Variants in NRG3 observed in about 807,000 individuals in gnomAD.
The protein encoded by NRG3 is neuregulin 3, also known as pro-neuregulin-3, membrane-bound isoform.
A neutral mutation model predicts 66.9 loss-of-function variants in NRG3; 31 were observed. The ratio of observed to expected loss-of-function variants is 0.46; its 90% CI spans 0.35 to 0.63. The LOEUF is 0.63. Ranked by LOEUF, NRG3 falls within the 20% of genes least tolerant of loss-of-function variation. The pLI, the probability that NRG3 is intolerant of heterozygous loss-of-function variation, is 0.00. For synonymous variants in NRG3, 393 were observed against 359.4 expected, an observed-to-expected ratio of 1.09 and a Z score of -1.06; for missense variants, 910 against 878.9, an observed-to-expected ratio of 1.04 and a Z score of -0.45.
chr10:82,181,148 CTT>C (rs1051462429), intron 1 of NRG3, among the ~76,000 whole-genome samples: 9 of 151,636 alleles, frequency 5.9e-5, no homozygotes, highest in Non-Finnish European at 1.2e-4. Context: ...TATTTTCTCT[CTT>C]TTCTTAGTTT....
At chr10:81,962,327 TG>T (rs1318764788) in intron 1 of NRG3, among the ~76,000 whole-genome samples, 1 of 152,180 alleles carries the variant, frequency 6.6e-6, no homozygotes, top group African/African-American at 2.4e-5. Flanking sequence ...CATTTAGGGT[TG>T]TAATTTCCTT....
At chr10:82,495,423 AT>A (rs113561467) in intron 2 of NRG3, among the ~76,000 whole-genome samples, 39 of 148,630 alleles carry the variant, frequency 2.6e-4, no homozygotes, top group East Asian at 5.9e-4. Flanking sequence ...TTCCTACTTG[AT>A]TTTTTTTTTG....
At chr10:82,928,209 TTTAAG>T (rs562547217) in intron 4 of NRG3, among the ~76,000 whole-genome samples, 111 of 152,264 alleles carry the variant, frequency 7.3e-4, no homozygotes, top group African/African-American at 2.6e-3. Context: ...TGTAAATTTG[TTTAAG>T]TTATTTGTAG....
intron 2 of NRG3, among the ~76,000 whole-genome samples, chr10:82,525,255 G>C (rs1000718378): frequency 6.6e-6 from 1 of 151,802 alleles, no homozygotes; most frequent in Non-Finnish European, 1.5e-5. Context: ...ACTCTGGATA[G>C]AAGATGCTTT....
chr10:82,268,091 C>A (rs1477921272), intron 1 of NRG3, among the ~76,000 whole-genome samples: 2 of 152,060 alleles, frequency 1.3e-5, no homozygotes, highest in African/African-American at 4.8e-5. Context: ...CAAATTCTTC[C>A]CACACGTTCT....
At chr10:81,890,749 G>T (rs1298681692) in intron 1 of NRG3, among the ~76,000 whole-genome samples, 1 of 152,118 alleles carries the variant, frequency 6.6e-6, no homozygotes, top group Non-Finnish European at 1.5e-5. Flanking sequence ...TTTATGTATT[G>T]CACTTCCATT....
intron 1 of NRG3, among the ~76,000 whole-genome samples, chr10:81,901,574 C>T (rs957095438): frequency 2.6e-5 from 4 of 151,936 alleles, no homozygotes; most frequent in Non-Finnish European, 5.9e-5. Flanking sequence ...GAGGCTGAGG[C>T]GGGAGGATTG....
intron 3 of NRG3, among the ~76,000 whole-genome samples, chr10:82,745,576 A>T (rs2058607341): frequency 6.6e-6 from 1 of 152,156 alleles, no homozygotes. Context: ...AGAAGGAGAA[A>T]CAGAGAATTA....
At chr10:82,302,800 T>A (rs979547179) in intron 1 of NRG3, among the ~76,000 whole-genome samples, 1 of 152,208 alleles carries the variant, frequency 6.6e-6, no homozygotes, top group African/African-American at 2.4e-5. Context: ...GTCTAATGCA[T>A]ATACACTTAA....
At chr10:81,937,166 C>A (rs532858535) in intron 1 of NRG3, among the ~76,000 whole-genome samples, 1 of 152,256 alleles carries the variant, frequency 6.6e-6, no homozygotes, top group East Asian at 1.9e-4. Flanking sequence ...TGTTCTTTAA[C>A]CATTCATCCA....
intron 1 of NRG3, among the ~76,000 whole-genome samples, chr10:82,097,224 A>G (rs572685057): frequency 3.3e-5 from 5 of 152,038 alleles, no homozygotes; most frequent in South Asian, 4.1e-4. Context: ...TTCACTTAGC[A>G]TAATGTATTT....
intron 1 of NRG3, among the ~76,000 whole-genome samples, chr10:82,221,812 T>C (rs569791877): frequency 1.2e-4 from 19 of 152,238 alleles, no homozygotes; most frequent in African/African-American, 4.1e-4. Context: ...AGCTCTTTTA[T>C]TGAGTTGCCA....
At chr10:81,960,532 A>G (rs935019148) in intron 1 of NRG3, among the ~76,000 whole-genome samples, 3 of 152,032 alleles carry the variant, frequency 2.0e-5, no homozygotes, top group Non-Finnish European at 2.9e-5. Context: ...AGAATGAAAT[A>G]ATTGAGTAAG....
At chr10:82,015,347 T>C (rs1160169433) in intron 1 of NRG3, among the ~76,000 whole-genome samples, 2 of 152,194 alleles carry the variant, frequency 1.3e-5, no homozygotes, top group Non-Finnish European at 2.9e-5. Context: ...GAACTGATCA[T>C]TCATACTTCA....
intron 1 of NRG3, among the ~76,000 whole-genome samples, chr10:82,300,956 C>T (rs2080368801): frequency 6.6e-6 from 1 of 151,744 alleles, no homozygotes; most frequent in Non-Finnish European, 1.5e-5. Flanking sequence ...CCTACCAAGA[C>T]CCCCATCTTT....
intron 1 of NRG3, chr10:81,877,679 T>C (rs1242942303): frequency 2.2e-5 from 28 of 1,291,326 alleles, no homozygotes; most frequent in Non-Finnish European, 2.6e-5. Flanking sequence ...AGAAGATAAA[T>C]TGGGAGACAG....
At chr10:82,890,127 GTTTT>G (rs35591529) in intron 4 of NRG3, among the ~76,000 whole-genome samples, 2 of 138,156 alleles carry the variant, frequency 1.4e-5, no homozygotes, top group Middle Eastern at 3.8e-3. Context: ...GATCTGCTAA[GTTTT>G]TTTTTTTTTT....
chr10:82,663,965 C>T (rs2052563866), intron 2 of NRG3, among the ~76,000 whole-genome samples: 2 of 152,294 alleles, frequency 1.3e-5, no homozygotes, highest in South Asian at 2.1e-4. Context: ...TTATGGGAAG[C>T]TTGGATCAAC....
intron 1 of NRG3, among the ~76,000 whole-genome samples, chr10:81,967,197 G>A (rs2059764399): frequency 6.6e-6 from 1 of 151,544 alleles, no homozygotes; most frequent in South Asian, 2.1e-4. Context: ...TAATTCATAG[G>A]TGTTAAGTTT....
Sources: allele counts gnomAD v4.1 joint callset (sites outside exome capture counted in the v4.1 genomes callset), GRCh38; gene constraint gnomAD v4.1.1; transcripts MANE v1.5; gene names NCBI Gene and HGNC (gene_info 2026-07-23, HGNC 2026-07-21).